Variants in PPARGC1A observed in about 807,000 individuals in gnomAD.
The protein encoded by PPARGC1A is PPARG coactivator 1 alpha, also known as peroxisome proliferator-activated receptor gamma coactivator 1-alpha.
In PPARGC1A, 25 loss-of-function variants were observed where a neutral mutation model predicts 88.7. The observed-to-expected ratio is 0.28, with a 90% CI of 0.21 to 0.39. The LOEUF (loss-of-function observed/expected upper bound fraction) is 0.39, where lower values mean the gene tolerates loss of function less well. PPARGC1A is among the 10% of genes least tolerant of loss of function. The probability of loss-of-function intolerance (pLI) is 1.00; values close to 1 mark genes in which losing one functional copy is unlikely to be tolerated. For synonymous variants in PPARGC1A, 363 were observed against 355.6 expected (o/e 1.02, Z -0.24); for missense variants, 880 against 968.7 (o/e 0.91, Z 1.22).
the PPARGC1A span, among the ~76,000 whole-genome samples, chr4:24,337,717 G>A: frequency 2.0e-5 from 3 of 149,392 alleles, no homozygotes; most frequent in Non-Finnish European, 4.4e-5. Context: ...AAATGAGGTT[G>A]AGCAAATTAA....
chr4:23,913,267 T>TATATATATATATAGAG, the PPARGC1A span, among the ~76,000 whole-genome samples: 1 of 77,506 alleles, frequency 1.3e-5, no homozygotes, highest in African/African-American at 5.6e-5. Context: ...TATATATATA[T>TATATATATATATAGAG]AGAGAGAGAG....
intron 3 of PPARGC1A, 36 bp from the exon 4 acceptor site, chr4:23,829,621 A>C: frequency 6.3e-7 from 1 of 1,596,400 alleles, no homozygotes; most frequent in Non-Finnish European, 8.6e-7. Flanking sequence ...AAAGCAAGTA[A>C]AGTTATGCAT....
At chr4:24,032,706 G>A in the PPARGC1A span, among the ~76,000 whole-genome samples, 1 of 152,124 alleles carries the variant, frequency 6.6e-6, no homozygotes, top group African/African-American at 2.4e-5. Context: ...TTATTTTTTA[G>A]CACATGTCAA....
At chr4:24,093,450 A>G in the PPARGC1A span, among the ~76,000 whole-genome samples, 1 of 152,208 alleles carries the variant, frequency 6.6e-6, no homozygotes, top group Non-Finnish European at 1.5e-5. Flanking sequence ...ATCTCTAGTA[A>G]AACAGACACA....
the PPARGC1A span, among the ~76,000 whole-genome samples, chr4:24,426,047 T>G: frequency 6.6e-6 from 1 of 152,320 alleles, no homozygotes; most frequent in East Asian, 1.9e-4. Flanking sequence ...GTTTTCTCAG[T>G]AAGATAAGTA....
chr4:24,148,145 C>T, the PPARGC1A span, among the ~76,000 whole-genome samples: 2 of 152,138 alleles, frequency 1.3e-5, no homozygotes, highest in Non-Finnish European at 2.9e-5. Context: ...TATTCTATAA[C>T]ATTTCTCCCC....
the PPARGC1A span, among the ~76,000 whole-genome samples, chr4:23,909,800 T>C: frequency 6.6e-6 from 1 of 151,710 alleles, no homozygotes; most frequent in Non-Finnish European, 1.5e-5. Flanking sequence ...TGGCATCTAG[T>C]AGACATTTGG....
the PPARGC1A span, among the ~76,000 whole-genome samples, chr4:23,966,198 G>A: frequency 3.3e-5 from 5 of 152,158 alleles, no homozygotes; most frequent in Admixed American, 6.5e-5. Flanking sequence ...GCAACATAGA[G>A]TCTAGACTTT....
At chr4:24,117,902 A>G in the PPARGC1A span, among the ~76,000 whole-genome samples, 1 of 152,122 alleles carries the variant, frequency 6.6e-6, no homozygotes, top group Non-Finnish European at 1.5e-5. Flanking sequence ...ACTTTGTCAC[A>G]CAAGCTGGGC....
the PPARGC1A span, among the ~76,000 whole-genome samples, chr4:23,976,017 T>C: frequency 2.0e-5 from 3 of 152,302 alleles, no homozygotes; most frequent in South Asian, 2.1e-4. Context: ...ATGATGAAGA[T>C]AGCAATGAGA....
At chr4:23,854,742 A>G (rs1729883346) in intron 2 of PPARGC1A, among the ~76,000 whole-genome samples, 2 of 152,066 alleles carry the variant, frequency 1.3e-5, no homozygotes, top group Admixed American at 1.3e-4. Context: ...GGAGTGTGTC[A>G]TTCATTTTTA....
chr4:24,194,145 A>AT, the PPARGC1A span, among the ~76,000 whole-genome samples: 66 of 151,384 alleles, frequency 4.4e-4, 1 homozygote, highest in African/African-American at 1.5e-3. Flanking sequence ...AAAAAAAAAA[A>AT]GTACACCAAT....
At chr4:24,045,157 A>G in the PPARGC1A span, among the ~76,000 whole-genome samples, 1 of 152,210 alleles carries the variant, frequency 6.6e-6, no homozygotes, top group African/African-American at 2.4e-5. Context: ...ACTCACTGCT[A>G]TGTCAACTGG....
chr4:24,286,361 G>A, the PPARGC1A span, among the ~76,000 whole-genome samples: 1 of 152,142 alleles, frequency 6.6e-6, no homozygotes, highest in South Asian at 2.1e-4. Context: ...GATAGGGACT[G>A]AAAATACCTA....
At chr4:23,848,867 C>CT (rs111328349) in intron 2 of PPARGC1A, among the ~76,000 whole-genome samples, 31,076 of 151,916 alleles carry the variant, frequency 0.2, 4,002 homozygotes, top group African/African-American at 0.36. Flanking sequence ...GTACTATCAA[C>CT]GTAAAAATGG....
the PPARGC1A span, among the ~76,000 whole-genome samples, chr4:23,962,930 T>C: frequency 6.6e-6 from 1 of 152,142 alleles, no homozygotes; most frequent in Non-Finnish European, 1.5e-5. Context: ...AGAAGAACAC[T>C]CGCCACCTTT....
the PPARGC1A span, among the ~76,000 whole-genome samples, chr4:24,372,025 T>C: frequency 6.6e-6 from 1 of 152,124 alleles, no homozygotes; most frequent in African/African-American, 2.4e-5. Flanking sequence ...GTGCTACTTA[T>C]GGAAGGGACA....
At chr4:24,159,312 G>A in the PPARGC1A span, among the ~76,000 whole-genome samples, 1 of 145,374 alleles carries the variant, frequency 6.9e-6, no homozygotes, top group Non-Finnish European at 1.5e-5. Context: ...CTGGGTTCAA[G>A]CAGTTCTCCT....
chr4:23,895,767 T>C (rs1006640888), intron 1 of PPARGC1A, among the ~76,000 whole-genome samples: 2 of 152,074 alleles, frequency 1.3e-5, no homozygotes, highest in African/African-American at 2.4e-5. Context: ...AAAAACCTCA[T>C]AGACCTAGAA....
Sources: gnomAD v4.1 joint callset for allele counts (sites outside exome capture counted in the v4.1 genomes callset) on GRCh38, gnomAD v4.1.1 for gene constraint, MANE v1.5 for transcripts, NCBI Gene and HGNC (gene_info 2026-07-23, HGNC 2026-07-21) for gene names.